The following ANK2 variants were observed in gnomAD, a reference collection of about 807,000 sequenced individuals.
The protein encoded by ANK2 is ankyrin 2.
A neutral mutation model predicts 360.5 loss-of-function variants in ANK2; 83 were observed. The observed-to-expected ratio is 0.23, with a 90% CI of 0.19 to 0.28. The LOEUF (loss-of-function observed/expected upper bound fraction) is 0.28, where lower values mean the gene tolerates loss of function less well. Among genes scored for constraint, ANK2 ranks in the 10% least tolerant of loss-of-function variants. ANK2 has a pLI of 1.00. For missense variants in ANK2, 4,201 were observed against 4,795.7 expected, an observed-to-expected ratio of 0.88 and a Z score of 3.66; for synonymous variants, 1,740 against 1,759.5, an observed-to-expected ratio of 0.99 and a Z score of 0.28.
chr4:113,030,403 C>CG, intron 2 of ANK2, among the ~76,000 whole-genome samples: 1 of 152,202 alleles, frequency 6.6e-6, no homozygotes, highest in East Asian at 1.9e-4. Context: ...AACAACAGGA[C>CG]TGGTTTGGGG....
Position 113,088,071 on chromosome 4 carries a change from T to A in ANK2, c.84+38259T>A, listed in dbSNP as rs576875373. ...ATTTCTAGAAAAGCCTGGTTTTTTT[T>A]AATAAGAAATCATAATCAATCCATA... On this transcript the variant is annotated intron_variant, in intron 1 of 45. Transcript: ENST00000357077. Among the ~76,000 whole-genome samples, 60 of 152,328 alleles carry A rather than the reference T, an allele frequency of 3.9e-4. 1 individual carries two copies. The highest frequency in any genetic ancestry group is 8.9e-4 in the African/African-American group (37 of 41,574).
At position 113,274,480 on chromosome 4, in the gene ANK2, C is replaced by T; in HGVS notation, c.1514C>T (p.Ser505Phe). Residue 505 changes from serine (S) to phenylalanine (F), a missense_variant, in exon 15 of 46, where the codon TCC becomes TTC. Transcript: ENST00000357077. ...REEQTPLHIA[S>F]RLGKTEIVQL... ...GAACAGACACCTTTACATATTGCCTCCCGCCTGGGTAAGACAGAAATTGTC... is the reference window on the plus strand; with the variant it reads ...GAACAGACACCTTTACATATTGCCTTCCGCCTGGGTAAGACAGAAATTGTC... 1 of 1,614,196 alleles carries T rather than the reference C, an allele frequency of 6.2e-7. No homozygotes were observed. The highest frequency in any genetic ancestry group is 8.5e-7 in the Non-Finnish European group (1 of 1,180,040).
intron 1 of ANK2, chr4:113,145,596 G>C: frequency 9.4e-7 from 1 of 1,064,294 alleles, no homozygotes; most frequent in Non-Finnish European, 1.1e-6. Context: ...GACATGCATA[G>C]CTGGCCTGGT....
intron 27 of ANK2, among the ~76,000 whole-genome samples, chr4:113,331,403 G>A (rs1264136254): frequency 6.6e-6 from 1 of 152,276 alleles, no homozygotes; most frequent in Admixed American, 6.5e-5. Context: ...CTGAAAAGGG[G>A]TGTGTTTATA....
chr4:112,890,633 T>G (rs561880738), intron 1 of ANK2, among the ~76,000 whole-genome samples: 10 of 140,338 alleles, frequency 7.1e-5, no homozygotes, highest in Non-Finnish European at 1.5e-4. Flanking sequence ...AATGGCATGA[T>G]CTCAGCTCAC....
intron 1 of ANK2, among the ~76,000 whole-genome samples, chr4:112,870,809 G>A (rs924888982): frequency 6.6e-6 from 1 of 152,174 alleles, no homozygotes; most frequent in Non-Finnish European, 1.5e-5. Flanking sequence ...TTAAGGATCA[G>A]CTTGTCCATT....
At chr4:112,731,069 G>A in the ANK2 span, among the ~76,000 whole-genome samples, 6 of 152,116 alleles carry the variant, frequency 3.9e-5, no homozygotes, top group Non-Finnish European at 7.4e-5. Context: ...TTGAACCCAG[G>A]AGGTGGAGGT....
At chr4:113,244,362 T>C (rs2153581192) in intron 9 of ANK2, among the ~76,000 whole-genome samples, 1 of 152,260 alleles carries the variant, frequency 6.6e-6, no homozygotes, top group Non-Finnish European at 1.5e-5. Context: ...AAGTTAACAG[T>C]CTTCTTGTAA....
At chr4:112,848,154 C>G (rs1263885051) in intron 1 of ANK2, among the ~76,000 whole-genome samples, 1 of 152,084 alleles carries the variant, frequency 6.6e-6, no homozygotes, top group East Asian at 1.9e-4. Context: ...GAGACAGAGT[C>G]TCACTCTGTC....
chr4:112,851,448 A>G (rs1305475525), intron 1 of ANK2, among the ~76,000 whole-genome samples: 3 of 151,828 alleles, frequency 2.0e-5, no homozygotes, highest in Admixed American at 6.6e-5. Flanking sequence ...TTTCTCCCAT[A>G]CCTTCTGTGG....
chr4:112,971,320 T>A (rs886180282), intron 2 of ANK2, among the ~76,000 whole-genome samples: 2 of 152,238 alleles, frequency 1.3e-5, no homozygotes, highest in African/African-American at 4.8e-5. Flanking sequence ...GCAAAAAATC[T>A]ACAAGGTAAC....
chr4:113,229,606 C>T (rs1294965190), intron 4 of ANK2, among the ~76,000 whole-genome samples: 1 of 152,100 alleles, frequency 6.6e-6, no homozygotes, highest in Non-Finnish European at 1.5e-5. Context: ...AGAGGATGAA[C>T]CCAAGGAAGA....
intron 4 of ANK2, among the ~76,000 whole-genome samples, chr4:113,203,055 T>C (rs2098862411): frequency 6.6e-6 from 1 of 152,210 alleles, no homozygotes; most frequent in African/African-American, 2.4e-5. Flanking sequence ...GCCGGAATTA[T>C]GGAGTTAGAA....
At chr4:112,760,272 C>T in the ANK2 span, among the ~76,000 whole-genome samples, 1 of 151,476 alleles carries the variant, frequency 6.6e-6, no homozygotes, top group African/African-American at 2.4e-5. Flanking sequence ...CTGCAAGCTC[C>T]GCCTCTCGGG....
At chr4:113,229,627 A>G (rs1180810899) in intron 4 of ANK2, among the ~76,000 whole-genome samples, 1 of 152,180 alleles carries the variant, frequency 6.6e-6, no homozygotes, top group Non-Finnish European at 1.5e-5. Flanking sequence ...AGTGTGAGTG[A>G]GCACTGGAGC....
chr4:113,323,505 C>T (rs879823518), intron 26 of ANK2, among the ~76,000 whole-genome samples: 4 of 152,076 alleles, frequency 2.6e-5, no homozygotes, highest in Non-Finnish European at 4.4e-5. Context: ...CTTTGTTAAA[C>T]GCCCTCATAA....
chr4:112,855,583 G>A (rs985515490), intron 1 of ANK2, among the ~76,000 whole-genome samples: 20 of 152,240 alleles, frequency 1.3e-4, no homozygotes, highest in Middle Eastern at 6.8e-3. Context: ...TGTAATGATA[G>A]TAACTAATAC....
intron 1 of ANK2, among the ~76,000 whole-genome samples, chr4:113,148,467 AT>A (rs2096915762): frequency 6.6e-6 from 1 of 151,824 alleles, no homozygotes; most frequent in Non-Finnish European, 1.5e-5. Flanking sequence ...TTATTGCTTC[AT>A]TTATTTTTAA....
chr4:113,188,728 G>T (rs778209756), intron 2 of ANK2, among the ~76,000 whole-genome samples: 1 of 152,040 alleles, frequency 6.6e-6, no homozygotes, highest in African/African-American at 2.4e-5. Context: ...AATAACAAAG[G>T]CTATTTAAAT....
Sources: allele counts gnomAD v4.1 joint callset (sites outside exome capture counted in the v4.1 genomes callset), GRCh38; gene constraint gnomAD v4.1.1; transcripts MANE v1.5; gene names NCBI Gene and HGNC (gene_info 2026-07-23, HGNC 2026-07-21).